Variants in SYNE2 observed in about 807,000 individuals in gnomAD.
SYNE2 encodes the protein nesprin-2.
SYNE2 carries 431 observed loss-of-function variants against 856.3 expected under a neutral mutation model. The ratio of observed to expected loss-of-function variants is 0.50; its 90% confidence interval spans 0.47 to 0.55. The LOEUF (loss-of-function observed/expected upper bound fraction) is 0.55, where lower values mean the gene tolerates loss of function less well. SYNE2 is among the 20% of genes least tolerant of loss of function. The probability of loss-of-function intolerance (pLI) is 0.00; values close to 1 mark genes in which losing one functional copy is unlikely to be tolerated. For missense variants in SYNE2, 8,129 were observed against 8,023.2 expected, an observed-to-expected ratio of 1.01 and a Z score of -0.50; for synonymous variants, 2,923 against 2,872.3, an observed-to-expected ratio of 1.02 and a Z score of -0.56.
chr14:63,796,382 G>A (rs1003926466), intron 1 of SYNE2, among the ~76,000 whole-genome samples: 1 of 151,984 alleles, frequency 6.6e-6, no homozygotes, highest in Admixed American at 6.6e-5. Context: ...GCTTGAACCC[G>A]GGAAGCAGAG....
chr14:64,007,428 A>G (rs778278038), intron 31 of SYNE2, among the ~76,000 whole-genome samples: 13 of 152,208 alleles, frequency 8.5e-5, no homozygotes, highest in Non-Finnish European at 1.9e-4. Flanking sequence ...GAGGTTCTCC[A>G]CGAAGCATAA....
chr14:63,855,157 A>G (rs905745004), intron 1 of SYNE2, among the ~76,000 whole-genome samples: 5 of 152,082 alleles, frequency 3.3e-5, no homozygotes, highest in African/African-American at 7.2e-5. Context: ...ATAAGTATTT[A>G]TTGAGTACCT....
chr14:63,891,566 G>A (rs2095132899), intron 1 of SYNE2, among the ~76,000 whole-genome samples: 1 of 151,826 alleles, frequency 6.6e-6, no homozygotes, highest in African/African-American at 2.4e-5. Context: ...GAGAAAAAAG[G>A]TCTGTTTTTA....
chr14:64,038,836 A>G (rs920617517), intron 45 of SYNE2, among the ~76,000 whole-genome samples: 2 of 151,648 alleles, frequency 1.3e-5, no homozygotes, highest in Non-Finnish European at 2.9e-5. Context: ...GACCGTGGAA[A>G]GAGAGGGAGA....
At chr14:64,050,598 G>A (rs1047388383) in intron 47 of SYNE2, among the ~76,000 whole-genome samples, 6 of 151,986 alleles carry the variant, frequency 3.9e-5, no homozygotes, top group African/African-American at 1.5e-4. Flanking sequence ...AAATAGTTTG[G>A]TATATATTGA....
At chr14:64,105,051 C>T (rs1442019471) in intron 64 of SYNE2, among the ~76,000 whole-genome samples, 1 of 152,166 alleles carries the variant, frequency 6.6e-6, no homozygotes, top group Non-Finnish European at 1.5e-5. Context: ...TCTCACCTGT[C>T]ACATCCTGTC....
intron 57 of SYNE2, among the ~76,000 whole-genome samples, chr14:64,082,128 G>T (rs1026802725): frequency 9.9e-5 from 15 of 152,066 alleles, no homozygotes; most frequent in Non-Finnish European, 1.8e-4. Context: ...TGATGGTTTT[G>T]GTTGTTAGAA....
intron 25 of SYNE2, 101 bp downstream of exon 25, chr14:63,997,492 C>A (rs1392593941): frequency 2.0e-6 from 2 of 1,006,972 alleles, no homozygotes; most frequent in African/African-American, 1.6e-5. Context: ...TTTAATTATT[C>A]GATTGTTTTT....
intron 19 of SYNE2, among the ~76,000 whole-genome samples, chr14:63,988,385 T>C (rs1173246166): frequency 6.6e-6 from 1 of 152,218 alleles, no homozygotes; most frequent in Non-Finnish European, 1.5e-5. Context: ...GCTATAAATA[T>C]TTTCTCTACA....
intron 7 of SYNE2, 141 bp from the exon 8 acceptor site, chr14:63,954,578 G>A: frequency 1.4e-6 from 1 of 691,966 alleles, no homozygotes; most frequent in East Asian, 2.7e-5. Context: ...CTTTAATTTG[G>A]TCACAAGATA....
At chr14:63,787,375 A>G (rs1320606401) in intron 1 of SYNE2, among the ~76,000 whole-genome samples, 2 of 152,040 alleles carry the variant, frequency 1.3e-5, no homozygotes, top group Non-Finnish European at 1.5e-5. Context: ...GGTAACCCCA[A>G]TCAACTCTCT....
chr14:63,924,832 GTGTTTTTTTTTTTTT>G lies in SYNE2; in HGVS notation c.79+15607_79+15621del, dbSNP rs1409123429. ...TTTAACTTTTTTCCTTCCAGCCTTG[GTGTTTTTTTTTTTTT>G]TTTTTTTTTTTTTTTTGCCTTACTC... On this transcript the variant is annotated intron_variant, in intron 2 of 115. Transcript: ENST00000555002. 5.1e-3 allele frequency among the ~76,000 whole-genome samples: 474 copies of G among 92,882 alleles called. 19 individuals carry two copies. The highest frequency in any genetic ancestry group is 0.029 in the South Asian group (81 of 2,774). 60.9% of individuals were successfully genotyped at this position (92,882 alleles called of 152,430 possible).
At chr14:64,169,275 C>G (rs1284443104) in intron 93 of SYNE2, among the ~76,000 whole-genome samples, 4 of 152,208 alleles carry the variant, frequency 2.6e-5, no homozygotes, top group African/African-American at 9.6e-5. Context: ...AATGATTCTT[C>G]TGTACTGTTT....
chr14:63,888,997 T>C (rs1245671802), intron 1 of SYNE2, among the ~76,000 whole-genome samples: 1 of 146,692 alleles, frequency 6.8e-6, no homozygotes, highest in African/African-American at 2.6e-5. Context: ...AGCTCAGGAG[T>C]TCAACACCAC....
At chr14:64,001,885 T>C in intron 28 of SYNE2, 49 bp from the exon 29 acceptor site, 1 of 1,604,330 alleles carries the variant, frequency 6.2e-7, no homozygotes, top group Non-Finnish European at 8.5e-7. Flanking sequence ...TTTCATAGGA[T>C]ATCTTTCTGC....
Position 63,936,462 on chromosome 14 carries a change from T to A in SYNE2, c.80-4152T>A, listed in dbSNP as rs369978982. On this transcript the variant is annotated intron_variant, in intron 2 of 115. Transcript: ENST00000555002. ...GGACAGTCAGGGTAGACCTCTTAGATGAGGTGTTGTCTGAGCCAGGATTTG... is the reference window on the plus strand; with the variant it reads ...GGACAGTCAGGGTAGACCTCTTAGAAGAGGTGTTGTCTGAGCCAGGATTTG... 2.2e-4 allele frequency among the ~76,000 whole-genome samples: 33 copies of A among 152,244 alleles called. 1 individual carries two copies. The South Asian group carries it at 6.2e-3, about 29-fold the overall frequency.
rs140900437 is a variant in SYNE2 at position 64,189,683 on chromosome 14, G to A, written c.17872-388G>A. 4.6e-5 allele frequency among the ~76,000 whole-genome samples: 7 copies of A among 152,302 alleles called. No individual in the cohort carries two copies. In the East Asian group the frequency reaches 1.2e-3, roughly 25 times the overall value. Reference sequence around the variant, plus strand: ...GCTCACTGAAAAGTTAGCTTCATTAGAAGGTATGAGGTTTTGAGACAGTGT... The same window carrying A: ...GCTCACTGAAAAGTTAGCTTCATTAAAAGGTATGAGGTTTTGAGACAGTGT... On this transcript the variant is annotated intron_variant, in intron 98 of 115. Coordinates refer to ENST00000555002, the MANE Select transcript of SYNE2 (RefSeq NM_182914.3).
intron 1 of SYNE2, among the ~76,000 whole-genome samples, chr14:63,889,203 C>CT (rs2095070438): frequency 6.6e-6 from 1 of 151,054 alleles, no homozygotes; most frequent in African/African-American, 2.4e-5. Context: ...ATAAGCTCCT[C>CT]TTTTATTATA....
chr14:64,100,531 A>AAAAAAAATATATAT (rs1491537041), intron 63 of SYNE2, among the ~76,000 whole-genome samples: 1 of 39,496 alleles, frequency 2.5e-5, no homozygotes, highest in African/African-American at 9.2e-5. Flanking sequence ...AAAAAAAAAA[A>AAAAAAAATATATAT]ATATATATAT....
Sources: gnomAD v4.1 joint callset for allele counts (sites outside exome capture counted in the v4.1 genomes callset) on GRCh38, gnomAD v4.1.1 for gene constraint, MANE v1.5 for transcripts, NCBI Gene and HGNC (gene_info 2026-07-23, HGNC 2026-07-21) for gene names.